CPSF1: variants seen among roughly 807,000 people sequenced by gnomAD.
CPSF1 encodes the protein cleavage and polyadenylation specificity factor subunit 1.
Under a neutral mutation model 175.8 loss-of-function variants are expected in CPSF1, and 106 were observed. The observed-to-expected ratio is 0.60, with a 90% confidence interval of 0.52 to 0.71. The LOEUF is 0.71. Ranked by LOEUF, CPSF1 falls within the 30% of genes least tolerant of loss-of-function variation. The pLI, the probability that CPSF1 is intolerant of heterozygous loss-of-function variation, is 0.00. For missense variants in CPSF1, 1,734 were observed against 2,022.9 expected, an observed-to-expected ratio of 0.86 and a Z score of 2.74; for synonymous variants, 1,024 against 858.3, an observed-to-expected ratio of 1.19 and a Z score of -3.37.
At position 144,394,094 on chromosome 8, in the gene CPSF1, G is replaced by A. The variant is rs376361407; in HGVS notation, c.3859+19C>T. On this transcript the variant is annotated intron_variant, in intron 34 of 37. Transcript: ENST00000616140. ...AGCCCAGCCCCGGCCCAGGCAGAGG[G>A]GGTGGAGGAAGCACTCACCTTCGGG... 14 of 1,612,062 alleles carry A rather than the reference G, an allele frequency of 8.7e-6. No individual in the cohort carries two copies. The highest frequency in any genetic ancestry group is 1.2e-5 in the Non-Finnish European group (14 of 1,179,344).
intron 2 of CPSF1, among the ~76,000 whole-genome samples, chr8:144,406,813 A>G (rs1554869198): frequency 6.6e-6 from 1 of 152,248 alleles, no homozygotes; most frequent in Non-Finnish European, 1.5e-5. Context: ...CCAAGGCAGC[A>G]CAATGTCCTC....
chr8:144,405,886 G>A (rs772635000), intron 2 of CPSF1, among the ~76,000 whole-genome samples: 7 of 152,262 alleles, frequency 4.6e-5, no homozygotes, highest in South Asian at 4.1e-4. Flanking sequence ...GTGGAGGGAC[G>A]GTGTGGGGGT....
rs1554867306 is a variant in CPSF1 at position 144,401,673 on chromosome 8, C to T, written c.145G>A (p.Ala49Thr). The change falls in exon 3 of 38, where the codon GCT becomes ACT. Residue 49 changes from alanine (A) to threonine (T), a missense_variant and splice_region_variant. Transcript: ENST00000616140. ...YVYRLNRDAEALTKNDRSTEG... is the reference protein window; with the variant it reads ...YVYRLNRDAETLTKNDRSTEG... ...GTGCTCCTGTCATTCTTGGTCAGAGCCTGGAGGGGAGAGAAAGACAGGGCA... is the reference window on the plus strand; with the variant it reads ...GTGCTCCTGTCATTCTTGGTCAGAGTCTGGAGGGGAGAGAAAGACAGGGCA... 20 of 1,607,438 alleles carry T rather than the reference C, an allele frequency of 1.2e-5. No individual in the cohort carries two copies. Among genetic ancestry groups the T allele is most frequent in the Non-Finnish European group, 1.7e-5 (20 of 1,177,068 alleles).
At chr8:144,406,852 C>G (rs1382464554) in intron 2 of CPSF1, among the ~76,000 whole-genome samples, 1 of 152,232 alleles carries the variant, frequency 6.6e-6, no homozygotes, top group Non-Finnish European at 1.5e-5. Flanking sequence ...GTGTTGCACC[C>G]TCCGCAACCC....
At position 144,395,826 on chromosome 8, in the gene CPSF1, A is replaced by G. The variant is rs1820688178; in HGVS notation, c.2980-275T>C. 3.4e-5 allele frequency: 19 copies of G among 556,290 alleles called. No homozygotes were observed. In the South Asian group the frequency reaches 3.5e-4, roughly 10 times the overall value. 34.5% of individuals were successfully genotyped at this position (556,290 alleles called of 1,614,324 possible). On this transcript the variant is annotated intron_variant, in intron 26 of 37. Coordinates refer to ENST00000616140, the MANE Select transcript of CPSF1 (RefSeq NM_013291.3). ...GAGGGCACTGGAGGCTGCAAAGGGC[A>G]GCCCACAGACTGCCATGCTGGGGAC...
chr8:144,394,940 C>A lies in CPSF1; in HGVS notation c.3356G>T (p.Gly1119Val). The stretch of plus-strand genomic sequence containing the variant: ...GAGGCAGGTCCCGGCGGCCACGTAG[C>A]CTTTGAGGCCCGACACGGTCTCCTC... ...RSEETVSGLK[G>V]YVAAGTCLMQ... The change falls in exon 30 of 38, where the codon GGC becomes GTC. Residue 1119 changes from glycine to valine, a missense_variant. Around this residue, in one of 10 missense-constraint regions of CPSF1, gnomAD observed 585 missense variants for 584.7 expected, o/e 1.00. Coordinates refer to ENST00000616140, the MANE Select transcript of CPSF1 (RefSeq NM_013291.3). 6.2e-7 allele frequency: 1 copy of A among 1,612,942 alleles called. No individual in the cohort carries two copies. Among genetic ancestry groups the A allele is most frequent in the Non-Finnish European group, 8.5e-7 (1 of 1,179,934 alleles).
chr8:144,393,454 T>C lies in CPSF1; in HGVS notation c.4282A>G (p.Ile1428Val), dbSNP rs1287970773. ...CGGGGGGCGGGGCGCGCACTCACTA[T>C]GTCTGGTGTGGTGCCGATCTTCTTG... ...LAKKIGTTPD[I>V]ILDDLLETDR... Residue 1428 changes from isoleucine to valine, a missense_variant and splice_region_variant, in exon 37 of 38, where the codon ATA becomes GTA. By Grantham distance (29) the Ile-to-Val change is conservative. Transcript: ENST00000616140. 4.9e-5 allele frequency: 76 copies of C among 1,550,078 alleles called. No homozygotes were observed. Among genetic ancestry groups the C allele is most frequent in the Non-Finnish European group, 6.0e-5 (69 of 1,148,036 alleles).
chr8:144,404,155 G>A (rs1017072153), intron 2 of CPSF1, among the ~76,000 whole-genome samples: 4 of 151,754 alleles, frequency 2.6e-5, no homozygotes, highest in Admixed American at 1.3e-4. Context: ...TCCGGGAGGC[G>A]GAGGTTGCAG....
Position 144,394,306 on chromosome 8 carries a change from G to T in CPSF1, c.3745-6C>A, listed in dbSNP as rs782278323. On this transcript the variant is annotated splice_region_variant and splice_polypyrimidine_tract_variant and intron_variant, in intron 32 of 37. Transcript: ENST00000616140. ...ACCTCCAGGGGCTTGGCATCCTGGG[G>T]GCGGGAAGGGGGCGTCAGAGGTGCC... 1 of 1,587,336 alleles carries T rather than the reference G, an allele frequency of 6.3e-7. No individual in the cohort carries two copies. Among genetic ancestry groups the T allele is most frequent in the Non-Finnish European group, 8.6e-7 (1 of 1,164,802 alleles).
Position 144,397,587 on chromosome 8 carries a change from G to A in CPSF1, c.2285C>T (p.Ala762Val). ...AGCAGGGGGCTGGCTGCTTCTTCGG[G>A]CCTCCTCCTTGCTGGGGCTGAAGAG... is the stretch of plus-strand genomic sequence containing the variant. ...GSLFSPSKEE[A>V]RRSSQPPADR... is the part of the protein sequence containing the mutation. The change falls in exon 22 of 38, where the codon GCC becomes GTC. Residue 762 changes from alanine to valine, a missense_variant. Transcript: ENST00000616140. The A allele has an allele frequency of 6.5e-7, 1 of 1,540,944 alleles. No individual in the cohort carries two copies. The highest frequency in any genetic ancestry group is 8.8e-7 in the Non-Finnish European group (1 of 1,138,792).
Position 144,409,007 on chromosome 8 carries a change from C to G in CPSF1, c.144+8G>C. Reference sequence around the variant, plus strand: ...GACAGCCGGGAGGGCTCCCAGGGCCCGACCTACCTCGGCGTCGCGGTTGAG... The same window carrying G: ...GACAGCCGGGAGGGCTCCCAGGGCCGGACCTACCTCGGCGTCGCGGTTGAG... On this transcript the variant is annotated splice_region_variant and intron_variant, in intron 2 of 37. Transcript: ENST00000616140. 2 of 1,611,900 alleles carry G rather than the reference C, an allele frequency of 1.2e-6. No homozygotes were observed. Among genetic ancestry groups the G allele is most frequent in the South Asian group, 2.2e-5 (2 of 90,974 alleles).
In CPSF1 at chr8:144,406,078, C is replaced by T. The variant is rs1250262792; in HGVS notation, c.144+2937G>A. Among the ~76,000 whole-genome samples the T allele has an allele frequency of 3.9e-5, 6 of 152,230 alleles. No homozygotes were observed. In the South Asian group the frequency reaches 6.2e-4, roughly 16 times the overall value. On this transcript the variant is annotated intron_variant, in intron 2 of 37. Transcript: ENST00000616140. ...TCCAGGGCAGTTAGTTACAGAGCCA[C>T]GACTAGACTGACCCCAGGAGGATGG...
Position 144,398,317 on chromosome 8 carries a change from G to A in CPSF1, c.1879C>T (p.Arg627Cys), listed in dbSNP as rs2116848992. 5.1e-6 allele frequency: 8 copies of A among 1,577,568 alleles called. No individual in the cohort carries two copies. Among genetic ancestry groups the A allele is most frequent in the Admixed American group, 3.5e-5 (2 of 57,322 alleles). The stretch of plus-strand genomic sequence containing the variant: ...CCCCACCTACCTCCTTCCAGCAGGC[G>A]GATGCCCAGTGGTGACACTTGGACA... Reference protein sequence around the residue: ...YIVQVSPLGIRLLEGVNQLHF... With the variant: ...YIVQVSPLGICLLEGVNQLHF... The change falls in exon 19 of 38, where the codon CGC (arginine) becomes TGC (cysteine). Residue 627 changes from arginine (R) to cysteine (C), a missense_variant. Physicochemically the swap from Arg to Cys is radical, Grantham distance 180. Coordinates refer to ENST00000616140, the MANE Select transcript of CPSF1 (RefSeq NM_013291.3).
intron 7 of CPSF1, 49 bp from the exon 8 acceptor site, chr8:144,400,542 C>A (rs2116876245): frequency 6.2e-7 from 1 of 1,609,596 alleles, no homozygotes; most frequent in East Asian, 2.2e-5. Flanking sequence ...CCGCAGAGAC[C>A]CAGGCCCAGC....
At position 144,393,558 on chromosome 8, in the gene CPSF1, T is replaced by C; in HGVS notation, c.4178A>G (p.Asn1393Ser). The change falls in exon 37 of 38, where the codon AAT becomes AGT. Residue 1393 changes from asparagine (N) to serine (S), a missense_variant. This residue lies in a region of CPSF1 where 323 missense variants were observed against 338.5 expected (regional missense o/e 0.95). Coordinates refer to ENST00000616140, the MANE Select transcript of CPSF1 (RefSeq NM_013291.3). ...CCCATCCAGCACGTTGCGCACGGCA[T>C]TCTGGAGGGTGCGGCGGTCCACGTG... Reference protein sequence around the residue: ...MLHVDRRTLQNAVRNVLDGEL... With the variant: ...MLHVDRRTLQSAVRNVLDGEL... 1 of 1,605,216 alleles carries C rather than the reference T, an allele frequency of 6.2e-7. No individual in the cohort carries two copies. Among genetic ancestry groups the C allele is most frequent in the Non-Finnish European group, 8.5e-7 (1 of 1,177,664 alleles).
chr8:144,397,199 G>A lies in CPSF1; in HGVS notation c.2592+8C>T, dbSNP rs576207393. ...ATGGGAAGGGGAGGCCAGGCCAGGCGCACTCACCAGCAGGTAGGGCCTGCT... is the reference window on the plus strand; with the variant it reads ...ATGGGAAGGGGAGGCCAGGCCAGGCACACTCACCAGCAGGTAGGGCCTGCT... On this transcript the variant is annotated splice_region_variant and intron_variant, in intron 23 of 37. Transcript: ENST00000616140. 91 of 1,530,960 alleles carry A rather than the reference G, an allele frequency of 5.9e-5. No homozygotes were observed. The highest frequency in any genetic ancestry group is 5.7e-4 in the East Asian group (23 of 40,632). 94.8% of individuals were successfully genotyped at this position (1,530,960 alleles called of 1,614,324 possible). A position where few individuals can be genotyped will look rare whatever the true frequency, so the allele number is the denominator to read the frequency against.
rs144467510 is a variant in CPSF1 at position 144,399,997 on chromosome 8, G to A, written c.1026C>T (p.Gly342=). 1.2e-4 allele frequency: 193 copies of A among 1,611,816 alleles called. 1 individual carries two copies. The African/African-American group carries it at 2.1e-3, about 18-fold the overall frequency. Residue 342 remains glycine, a synonymous_variant, in exon 10 of 38, where the codon GGC becomes GGT. Transcript: ENST00000616140. This position sits in a 1 kb window ranked among gnomAD's most constrained non-coding sequence, Gnocchi z 6.4. Reference sequence around the variant, plus strand: ...TGGGCGGGGGAGGGGCTCACATCTCGCCGCCCTTGAGGGAGATGACCATCT... The same window carrying A: ...TGGGCGGGGGAGGGGCTCACATCTCACCGCCCTTGAGGGAGATGACCATCT... ...YDKMVISLKG[G]EIYVLTLITD...
Position 144,397,776 on chromosome 8 carries a change from C to A in CPSF1, c.2177G>T (p.Gly726Val). Residue 726 changes from glycine to valine, a missense_variant, in exon 21 of 38, where the codon GGC (glycine) becomes GTC (valine). Gly to Val is a moderately radical substitution (Grantham distance 109, BLOSUM62 -3). This residue lies in a region of CPSF1 where 585 missense variants were observed against 584.7 expected (regional missense o/e 1.00). Transcript: ENST00000616140. ...TGAGCCCAGGCCCTCGGCCTCCGGG[C>A]CACTGCGGCCCCCGAGCTCGTCACG... The part of the protein sequence containing the change: ...GARDELGGRS[G>V]PEAEGLGSET... The A allele has an allele frequency of 1.2e-6, 2 of 1,607,936 alleles. No individual in the cohort carries two copies. The highest frequency in any genetic ancestry group is 1.1e-5 in the South Asian group (1 of 90,976).
In CPSF1 at chr8:144,399,504, C is replaced by T. The variant is rs2116863426; in HGVS notation, c.1243-1G>A. ...GCTTCTTCTTTGAGGGAGGCTCTTCCTGTGAGGCAGGAGGGGCACTGAGTG... is the reference window on the plus strand; with the variant it reads ...GCTTCTTCTTTGAGGGAGGCTCTTCTTGTGAGGCAGGAGGGGCACTGAGTG... On this transcript the variant is annotated splice_acceptor_variant, in intron 12 of 37. Transcript: ENST00000616140. LOFTEE classifies it high-confidence loss of function. This position sits in a 1 kb window ranked among gnomAD's most constrained non-coding sequence, Gnocchi z 6.4. 2 of 1,612,904 alleles carry T rather than the reference C, an allele frequency of 1.2e-6. No homozygotes were observed. The highest frequency in any genetic ancestry group is 1.3e-5 in the African/African-American group (1 of 75,058).
Sources: gnomAD v4.1 joint callset for allele counts (sites outside exome capture counted in the v4.1 genomes callset) on GRCh38, gnomAD v4.1.1 for gene constraint, gnomAD v4.1.1 regional missense constraint, Gnocchi (gnomAD v3.1) non-coding constraint, MANE v1.5 for transcripts, NCBI Gene and HGNC (gene_info 2026-07-23, HGNC 2026-07-21) for gene names.